The following NSMAF variants were observed in gnomAD, a reference collection of about 807,000 sequenced individuals.
NSMAF encodes protein FAN.
NSMAF carries 90 observed loss-of-function variants against 134.9 expected under a neutral mutation model. That is an observed-to-expected ratio of 0.67 (90% CI 0.56 to 0.79). The LOEUF (loss-of-function observed/expected upper bound fraction) is 0.79. NSMAF is among the 30% of genes least tolerant of loss of function. NSMAF has a pLI of 0.00. For synonymous variants in NSMAF, 358 were observed against 389.6 expected (o/e 0.92, Z 0.96); for missense variants, 1,010 against 1,119.0 (o/e 0.90, Z 1.39).
Position 58,606,842 on chromosome 8 carries a change from T to C in NSMAF, c.760-807A>G, listed in dbSNP as rs377152259. On this transcript the variant is annotated intron_variant, in intron 11 of 30. Coordinates refer to ENST00000038176, the MANE Select transcript of NSMAF (RefSeq NM_003580.4). ...ACCTGTAAAATACAATACTATCTAC[T>C]TCACAAGGCTTATAATGGCGAATAA... is the stretch of plus-strand genomic sequence containing the variant. Among the ~76,000 whole-genome samples, 131 of 152,268 alleles carry C rather than the reference T, an allele frequency of 8.6e-4. 7 individuals are homozygous for C. In the South Asian group the frequency reaches 0.026, roughly 30 times the overall value.
At chr8:58,620,547 G>T (rs1319252062) in intron 9 of NSMAF, among the ~76,000 whole-genome samples, 6 of 152,068 alleles carry the variant, frequency 3.9e-5, no homozygotes, top group Non-Finnish European at 8.8e-5. Flanking sequence ...GCCTTTTATT[G>T]TATCACTTTC....
chr8:58,640,982 C>T (rs1427352350), intron 2 of NSMAF, among the ~76,000 whole-genome samples: 1 of 152,134 alleles, frequency 6.6e-6, no homozygotes, highest in Non-Finnish European at 1.5e-5. Flanking sequence ...AGTGCAGTGG[C>T]ATGATCCTGG....
intron 1 of NSMAF, 180 bp downstream of exon 1, chr8:58,659,393 C>A: frequency 6.6e-7 from 1 of 1,516,418 alleles, no homozygotes; most frequent in Non-Finnish European, 8.8e-7. Context: ...GGCCCCCGGC[C>A]TCTCACCCCG....
intron 2 of NSMAF, among the ~76,000 whole-genome samples, chr8:58,639,751 T>C (rs930007390): frequency 1.3e-5 from 2 of 152,024 alleles, no homozygotes; most frequent in Non-Finnish European, 2.9e-5. Context: ...GATATATATA[T>C]GAATATAAAA....
intron 9 of NSMAF, among the ~76,000 whole-genome samples, chr8:58,621,520 T>G: frequency 6.6e-6 from 1 of 152,220 alleles, no homozygotes. Context: ...TTAAGTTCTT[T>G]GAGAAATCAC....
chr8:58,642,796 T>C (rs1369643438), intron 2 of NSMAF, among the ~76,000 whole-genome samples, 188 bp downstream of exon 2: 1 of 152,160 alleles, frequency 6.6e-6, no homozygotes, highest in Non-Finnish European at 1.5e-5. Context: ...ATAATAAACA[T>C]AGCAAAAACT....
intron 9 of NSMAF, among the ~76,000 whole-genome samples, chr8:58,616,771 G>A (rs895698399): frequency 3.9e-5 from 6 of 151,976 alleles, no homozygotes; most frequent in South Asian, 2.1e-4. Context: ...AAAGCCATAC[G>A]GATTTCTGTG....
chr8:58,621,978 T>G (rs10090837), intron 9 of NSMAF, among the ~76,000 whole-genome samples: 47,845 of 152,048 alleles, frequency 0.31, 7,889 homozygotes, highest in Non-Finnish European at 0.36. Flanking sequence ...GTTTAATTAG[T>G]TCTCATTTGT....
chr8:58,611,656 A>G (rs1806532542), intron 9 of NSMAF, among the ~76,000 whole-genome samples: 1 of 152,202 alleles, frequency 6.6e-6, no homozygotes, highest in South Asian at 2.1e-4. Flanking sequence ...AACAATCTTA[A>G]CAACAGACTG....
At position 58,613,472 on chromosome 8, in the gene NSMAF, A is replaced by G. The variant is rs147914201; in HGVS notation, c.558-3739T>C. On this transcript the variant is annotated intron_variant, in intron 9 of 30. Coordinates refer to ENST00000038176, the MANE Select transcript of NSMAF (RefSeq NM_003580.4). ...ACCACTAAAAATAACACAAAGTGCT[A>G]CAGCTAAAAAGTCAATAGAGTAGAT... Among the ~76,000 whole-genome samples the G allele has an allele frequency of 2.3e-4, 35 of 152,294 alleles. 1 individual carries two copies. In the Middle Eastern group the frequency reaches 0.01, roughly 44 times the overall value.
intron 16 of NSMAF, chr8:58,601,022 A>T: frequency 3.3e-6 from 1 of 300,526 alleles, no homozygotes; most frequent in Admixed American, 4.8e-5. Flanking sequence ...CATTGTTTTG[A>T]AGAATATCTA....
intron 1 of NSMAF, among the ~76,000 whole-genome samples, chr8:58,658,641 CAG>C (rs1232826294): frequency 6.6e-6 from 1 of 152,206 alleles, no homozygotes; most frequent in African/African-American, 2.4e-5. Context: ...ACAATCAAAA[CAG>C]TGTGTCTGTA....
intron 1 of NSMAF, among the ~76,000 whole-genome samples, chr8:58,652,686 A>AC (rs887851381): frequency 1.5e-4 from 23 of 151,820 alleles, no homozygotes; most frequent in Non-Finnish European, 2.6e-4. Flanking sequence ...TCTGTGAGGT[A>AC]CCCCCCCAAC....
At chr8:58,659,257 C>T in intron 1 of NSMAF, 1 of 1,508,530 alleles carries the variant, frequency 6.6e-7, no homozygotes. Context: ...CGCGGCCTTC[C>T]GGGTGAGCTG....
intron 10 of NSMAF, among the ~76,000 whole-genome samples, chr8:58,609,115 C>G (rs1180787062): frequency 1.3e-5 from 2 of 152,236 alleles, no homozygotes; most frequent in Admixed American, 1.3e-4. Context: ...ACACACACCT[C>G]TGCACTAGCT....
chr8:58,659,460 G>A, intron 1 of NSMAF, 113 bp downstream of exon 1: 3 of 1,492,188 alleles, frequency 2.0e-6, no homozygotes, highest in South Asian at 1.3e-5. Flanking sequence ...TCCGGCCCCT[G>A]CCTCCGTGCC....
intron 28 of NSMAF, 117 bp downstream of exon 28, chr8:58,586,341 T>TCAGCAAATAG: frequency 2.8e-6 from 3 of 1,059,484 alleles, no homozygotes; most frequent in Non-Finnish European, 2.8e-6. Flanking sequence ...ACCTCTTTTA[T>TCAGCAAATAG]CAGCAAATAG....
At chr8:58,596,411 T>C (rs1646864499) in intron 21 of NSMAF, among the ~76,000 whole-genome samples, 1 of 152,164 alleles carries the variant, frequency 6.6e-6, no homozygotes, top group African/African-American at 2.4e-5. Context: ...TCAACCTCCT[T>C]CTGGAAGCCT....
intron 16 of NSMAF, 151 bp from the exon 17 acceptor site, chr8:58,600,172 C>G: frequency 3.2e-6 from 2 of 634,818 alleles, no homozygotes; most frequent in Non-Finnish European, 5.4e-6. Flanking sequence ...GAGTGTCCCA[C>G]TTTAACAAAA....
Sources: gnomAD v4.1 joint callset for allele counts (sites outside exome capture counted in the v4.1 genomes callset) on GRCh38, gnomAD v4.1.1 for gene constraint, MANE v1.5 for transcripts, NCBI Gene and HGNC (gene_info 2026-07-23, HGNC 2026-07-21) for gene names.